The following CDKAL1 variants were observed in gnomAD, a reference collection of about 807,000 sequenced individuals.
CDKAL1 encodes the protein threonylcarbamoyladenosine tRNA methylthiotransferase.
Under a neutral mutation model 68.2 loss-of-function variants are expected in CDKAL1, and 32 were observed. The observed-to-expected ratio is 0.47, with a 90% CI of 0.35 to 0.63. The LOEUF (loss-of-function observed/expected upper bound fraction) is 0.63. CDKAL1 is among the 30% of genes least tolerant of loss of function. The pLI is 0.00. For synonymous variants in CDKAL1, 234 were observed against 244.3 expected (o/e 0.96, Z 0.39); for missense variants, 606 against 696.7 (o/e 0.87, Z 1.47).
intron 12 of CDKAL1, among the ~76,000 whole-genome samples, chr6:21,086,421 C>A (rs945200581): frequency 1.3e-5 from 2 of 152,148 alleles, no homozygotes; most frequent in South Asian, 4.1e-4. Flanking sequence ...AGACAAAATT[C>A]TTTTAACTGG....
chr6:20,808,095 T>C, intron 8 of CDKAL1, among the ~76,000 whole-genome samples: 1 of 152,216 alleles, frequency 6.6e-6, no homozygotes, highest in East Asian at 1.9e-4. Context: ...TGAAAGACAT[T>C]TTAAAAAATG....
chr6:20,683,127 T>C (rs1770460197), intron 5 of CDKAL1, among the ~76,000 whole-genome samples: 1 of 152,064 alleles, frequency 6.6e-6, no homozygotes, highest in Non-Finnish European at 1.5e-5. Context: ...GTGCCTGTCT[T>C]ATATTTTATT....
At chr6:20,904,180 C>T (rs1307766905) in intron 9 of CDKAL1, among the ~76,000 whole-genome samples, 1 of 152,092 alleles carries the variant, frequency 6.6e-6, no homozygotes, top group Admixed American at 6.5e-5. Context: ...TGTTTTTGTG[C>T]CCTCCCTGCA....
intron 8 of CDKAL1, among the ~76,000 whole-genome samples, chr6:20,825,295 G>A (rs1234486438): frequency 6.6e-6 from 1 of 151,440 alleles, no homozygotes; most frequent in Admixed American, 6.6e-5. Context: ...TGAAAGTATG[G>A]TTTAAATGAC....
chr6:20,913,749 G>A (rs1046572712), intron 9 of CDKAL1, among the ~76,000 whole-genome samples: 1 of 152,182 alleles, frequency 6.6e-6, no homozygotes, highest in African/African-American at 2.4e-5. Context: ...GGGAAGCTGA[G>A]GCAGAAGGAT....
At chr6:20,548,991 T>G (rs954796380) in intron 4 of CDKAL1, among the ~76,000 whole-genome samples, 1 of 152,242 alleles carries the variant, frequency 6.6e-6, no homozygotes, top group Non-Finnish European at 1.5e-5. Flanking sequence ...ATATCATTAA[T>G]AAACCAGGAA....
intron 12 of CDKAL1, among the ~76,000 whole-genome samples, chr6:21,105,673 T>G (rs1212585271): frequency 6.6e-6 from 1 of 152,172 alleles, no homozygotes; most frequent in Non-Finnish European, 1.5e-5. Context: ...TAGAAGATAC[T>G]TCCCTAGAAC....
chr6:20,836,665 G>A (rs1048315669), intron 8 of CDKAL1, among the ~76,000 whole-genome samples: 5 of 152,054 alleles, frequency 3.3e-5, no homozygotes, highest in African/African-American at 1.2e-4. Context: ...TCTGAAAACA[G>A]CACAATTCTT....
At chr6:20,788,841 C>T (rs1775782630) in intron 8 of CDKAL1, among the ~76,000 whole-genome samples, 1 of 152,084 alleles carries the variant, frequency 6.6e-6, no homozygotes, top group Admixed American at 6.6e-5. Context: ...TCTTCAATTT[C>T]CTATTTCACC....
At chr6:20,752,096 C>T (rs559346203) in intron 6 of CDKAL1, among the ~76,000 whole-genome samples, 27 of 151,524 alleles carry the variant, frequency 1.8e-4, no homozygotes, top group African/African-American at 5.6e-4. Context: ...TGACTCTTCT[C>T]TCCGTTTCCT....
At chr6:20,541,979 C>T (rs1561911489) in intron 2 of CDKAL1, among the ~76,000 whole-genome samples, 1 of 152,206 alleles carries the variant, frequency 6.6e-6, no homozygotes, top group South Asian at 2.1e-4. Context: ...CTTACCATGA[C>T]CACGTGGTAC....
intron 4 of CDKAL1, among the ~76,000 whole-genome samples, chr6:20,632,093 C>T (rs998062992): frequency 1.3e-5 from 2 of 152,166 alleles, no homozygotes; most frequent in African/African-American, 2.4e-5. Flanking sequence ...GATGGGGTTA[C>T]ATCCTGGCAA....
At chr6:20,803,545 T>C (rs1328736475) in intron 8 of CDKAL1, among the ~76,000 whole-genome samples, 5 of 152,178 alleles carry the variant, frequency 3.3e-5, no homozygotes, top group African/African-American at 1.2e-4. Flanking sequence ...AAATAAGCCA[T>C]TGGCGGTGAT....
chr6:20,614,963 T>A (rs1201015141), intron 4 of CDKAL1, among the ~76,000 whole-genome samples: 1 of 128,080 alleles, frequency 7.8e-6, no homozygotes, highest in African/African-American at 3.0e-5. Context: ...CAGAGTGTGA[T>A]ATTCCCCTTC....
intron 4 of CDKAL1, among the ~76,000 whole-genome samples, chr6:20,584,463 G>T (rs774600097): frequency 6.6e-5 from 10 of 152,172 alleles, no homozygotes; most frequent in Non-Finnish European, 8.8e-5. Context: ...GGCTGGAAAT[G>T]CACACAACCC....
intron 7 of CDKAL1, among the ~76,000 whole-genome samples, chr6:20,767,916 T>G (rs1007346728): frequency 1.4e-4 from 21 of 152,180 alleles, no homozygotes; most frequent in African/African-American, 5.1e-4. Context: ...GAGACTTCAG[T>G]TAGGATATCA....
intron 5 of CDKAL1, among the ~76,000 whole-genome samples, chr6:20,739,289 G>A (rs190077360): frequency 2.6e-5 from 4 of 152,270 alleles, no homozygotes; most frequent in Middle Eastern, 3.4e-3. Context: ...TAATGAGACG[G>A]TAATGAATGG....
chr6:20,865,601 G>A (rs1209435106), intron 9 of CDKAL1, among the ~76,000 whole-genome samples: 1 of 148,180 alleles, frequency 6.7e-6, no homozygotes, highest in African/African-American at 2.5e-5. Flanking sequence ...GTTCTGTAAG[G>A]TACATTTAAA....
chr6:21,150,066 G>T (rs925744355), intron 13 of CDKAL1, among the ~76,000 whole-genome samples: 1 of 151,860 alleles, frequency 6.6e-6, no homozygotes, highest in Non-Finnish European at 1.5e-5. Flanking sequence ...ACCATTGTTA[G>T]CCAGGTTGGT....
Sources: allele counts gnomAD v4.1 joint callset (sites outside exome capture counted in the v4.1 genomes callset), GRCh38; gene constraint gnomAD v4.1.1; transcripts MANE v1.5; gene names NCBI Gene and HGNC (gene_info 2026-07-23, HGNC 2026-07-21).